LMLN: variants seen among roughly 807,000 people sequenced by gnomAD.
LMLN encodes the protein leishmanolysin like peptidase, also known as leishmanolysin-like peptidase.
A neutral mutation model predicts 92.3 loss-of-function variants in LMLN; 70 were observed. The ratio of observed to expected loss-of-function variants is 0.76; its 90% confidence interval spans 0.63 to 0.92. LMLN has a LOEUF of 0.92. Ranked by LOEUF, LMLN falls within the 40% of genes least tolerant of loss-of-function variation. LMLN has a pLI of 0.00. For missense variants in LMLN, 691 were observed against 814.6 expected (o/e 0.85, Z 1.85); for synonymous variants, 308 against 296.2 (o/e 1.04, Z -0.41).
chr3:198,023,176 C>T (rs921091223), intron 13 of LMLN, among the ~76,000 whole-genome samples: 3 of 140,760 alleles, frequency 2.1e-5, no homozygotes, highest in African/African-American at 9.3e-5. Flanking sequence ...TTGCTGAATT[C>T]TGTTTTATTA....
intron 11 of LMLN, 91 bp from the exon 12 acceptor site, chr3:198,002,924 A>T: frequency 1.4e-6 from 1 of 718,940 alleles, no homozygotes; most frequent in Non-Finnish European, 2.4e-6. Context: ...TAAGGTCCTA[A>T]TGTGCTCATT....
At chr3:198,038,532 T>C (rs746756959) in intron 15 of LMLN, 35 bp from the exon 17 acceptor site, 1 of 1,440,576 alleles carries the variant, frequency 6.9e-7, no homozygotes, top group Non-Finnish European at 9.8e-7. Flanking sequence ...CCCAAAATTG[T>C]TTATAGAAAG....
At chr3:198,023,017 T>C (rs1722823808) in intron 13 of LMLN, among the ~76,000 whole-genome samples, 1 of 152,162 alleles carries the variant, frequency 6.6e-6, no homozygotes, top group African/African-American at 2.4e-5. Flanking sequence ...AAACGTTTTT[T>C]GTTAACGGGG....
intron 1 of LMLN, among the ~76,000 whole-genome samples, chr3:197,972,614 G>A (rs745348406): frequency 6.6e-6 from 1 of 151,394 alleles, no homozygotes; most frequent in African/African-American, 2.4e-5. Flanking sequence ...TTCCCATTTT[G>A]TTCTCATTGC....
chr3:197,974,684 C>A lies in LMLN; in HGVS notation c.317+210C>A, dbSNP rs1024134316. On this transcript the variant is annotated intron_variant, in intron 2 of 15. Coordinates refer to ENST00000330198, the Ensembl canonical transcript of LMLN. ...GTCTTTATGAATAATTTTCTTTTAC[C>A]ATCTTCCTTTCCTGGTCAATCATGA... 4.6e-5 allele frequency among the ~76,000 whole-genome samples: 7 copies of A among 152,174 alleles called. 1 individual carries two copies. Among genetic ancestry groups the A allele is most frequent in the Middle Eastern group, 6.3e-3 (2 of 316 alleles).
chr3:197,968,137 C>T (rs1489569544), intron 1 of LMLN, among the ~76,000 whole-genome samples: 1 of 152,082 alleles, frequency 6.6e-6, no homozygotes, highest in Non-Finnish European at 1.5e-5. Flanking sequence ...AGGAAGATAA[C>T]AAGATTAAGA....
rs7372385 is a variant in LMLN at position 197,977,891 on chromosome 3, C to T, written c.549+1176C>T. 4.8e-3 allele frequency among the ~76,000 whole-genome samples: 729 copies of T among 151,632 alleles called. 21 individuals are homozygous for T. The highest frequency in any genetic ancestry group is 0.042 in the Admixed American group (645 of 15,238). On this transcript the variant is annotated intron_variant, in intron 5 of 15. Coordinates refer to ENST00000330198, the Ensembl canonical transcript of LMLN. Reference sequence around the variant, plus strand: ...ATCAAACAATCTGGAAGTATACACACGTTAATTCTGGATACATATAAAAAT... The same window carrying T: ...ATCAAACAATCTGGAAGTATACACATGTTAATTCTGGATACATATAAAAAT...
At chr3:198,012,736 C>T (rs1253635767) in intron 11 of LMLN, among the ~76,000 whole-genome samples, 2 of 149,156 alleles carry the variant, frequency 1.3e-5, no homozygotes, top group African/African-American at 2.5e-5. Flanking sequence ...CTTCAGAGCC[C>T]CCTAACTAGT....
chr3:197,999,457 T>C (rs1186031480), intron 11 of LMLN, 115 bp downstream of exon 11: 1 of 683,024 alleles, frequency 1.5e-6, no homozygotes, highest in African/African-American at 1.8e-5. Flanking sequence ...ACTTATTAAT[T>C]ATTTGAATCT....
At chr3:197,975,873 C>G (rs1486559241) in intron 3 of LMLN, among the ~76,000 whole-genome samples, 156 bp from the exon 4 acceptor site, 1 of 152,168 alleles carries the variant, frequency 6.6e-6, no homozygotes, top group Non-Finnish European at 1.5e-5. Flanking sequence ...TAGACTTACT[C>G]TCTTCCTACC....
intron 9 of LMLN, chr3:197,994,853 A>G (rs934672632): frequency 1.3e-5 from 2 of 152,278 alleles, no homozygotes; most frequent in Non-Finnish European, 2.9e-5. Context: ...TCCTTGTTCC[A>G]TGTTTACACA....
chr3:197,966,939 G>A (rs1290945213), intron 1 of LMLN, among the ~76,000 whole-genome samples: 1 of 152,052 alleles, frequency 6.6e-6, no homozygotes, highest in Admixed American at 6.6e-5. Flanking sequence ...GATTACAGGT[G>A]AGAGCCACCA....
chr3:198,025,445 C>T lies in LMLN; in HGVS notation c.1656+657C>T, dbSNP rs540217163. ...CTGGAGTGCTGCTGCAGTCACGGCT[C>T]ATTATATCCTCTACCTCCTGGGTTC... On this transcript the variant is annotated intron_variant, in intron 14 of 15. Transcript: ENST00000330198. The surrounding 1 kb of genome is among the most constrained non-coding windows in gnomAD (Gnocchi z 4.3). Among the ~76,000 whole-genome samples the T allele has an allele frequency of 6.6e-6, 1 of 152,094 alleles. No individual in the cohort carries two copies. The highest frequency in any genetic ancestry group is 2.1e-4 in the South Asian group (1 of 4,806).
rs562897671 is a variant in LMLN at position 198,011,391 on chromosome 3, G to C, written c.1233-7862G>C. Among the ~76,000 whole-genome samples, 18 of 152,098 alleles carry C rather than the reference G, an allele frequency of 1.2e-4. No individual in the cohort carries two copies. The East Asian group carries it at 1.5e-3, about 13-fold the overall frequency. On this transcript the variant is annotated intron_variant, in intron 11 of 15. Coordinates refer to ENST00000330198, the Ensembl canonical transcript of LMLN. ...ATGCGGTGTTTGTTTTTTTGTCCTTGTGATAGTTTGCTGAGAATGATGGTT... is the reference window on the plus strand; with the variant it reads ...ATGCGGTGTTTGTTTTTTTGTCCTTCTGATAGTTTGCTGAGAATGATGGTT...
chr3:197,996,435 T>C (rs1722019431), intron 10 of LMLN, 153 bp downstream of exon 10: 1 of 478,634 alleles, frequency 2.1e-6, no homozygotes. Flanking sequence ...CAGTCACTCC[T>C]TACTTTTTTT....
intron 1 of LMLN, among the ~76,000 whole-genome samples, chr3:197,970,890 A>G (rs151019486): frequency 2.0e-5 from 3 of 152,250 alleles, no homozygotes; most frequent in African/African-American, 7.2e-5. Flanking sequence ...GAAACAGGTT[A>G]CCCTTTTGTG....
chr3:197,984,602 C>T (rs1460496932), intron 7 of LMLN, among the ~76,000 whole-genome samples: 6 of 151,372 alleles, frequency 4.0e-5, no homozygotes, highest in African/African-American at 1.5e-4. Flanking sequence ...AGACATGTGC[C>T]ACTACACTTG....
In LMLN at chr3:198,025,113, A is replaced by G. The variant is rs551755929; in HGVS notation, c.1656+325A>G. On this transcript the variant is annotated intron_variant, in intron 14 of 15. Coordinates refer to ENST00000330198, the Ensembl canonical transcript of LMLN. The surrounding 1 kb of genome is among the most constrained non-coding windows in gnomAD (Gnocchi z 4.3). ...GGAAAACATGTCAATTTTATTTCAAAAGGTCTGAGGACCTCATGGGTTATA... is the reference window on the plus strand; with the variant it reads ...GGAAAACATGTCAATTTTATTTCAAGAGGTCTGAGGACCTCATGGGTTATA... Among the ~76,000 whole-genome samples, 1 of 152,288 alleles carries G rather than the reference A, an allele frequency of 6.6e-6. No homozygotes were observed. The highest frequency in any genetic ancestry group is 2.1e-4 in the South Asian group (1 of 4,818).
chr3:198,002,685 C>T (rs972924207), intron 11 of LMLN, among the ~76,000 whole-genome samples: 8 of 152,232 alleles, frequency 5.3e-5, no homozygotes, highest in African/African-American at 1.9e-4. Context: ...TTGTAGTGAG[C>T]TGGGATCGTG....
Sources: allele counts gnomAD v4.1 joint callset (sites outside exome capture counted in the v4.1 genomes callset), GRCh38; gene constraint gnomAD v4.1.1; non-coding constraint Gnocchi (gnomAD v3.1); transcripts MANE v1.5; gene names NCBI Gene and HGNC (gene_info 2026-07-23, HGNC 2026-07-21).